ARHGEF7: variants seen among roughly 807,000 people sequenced by gnomAD.
ARHGEF7 encodes the protein Rho guanine nucleotide exchange factor 7, also known as PAK-interacting exchange factor beta.
ARHGEF7 carries 33 observed loss-of-function variants against 109.8 expected under a neutral mutation model. That is an observed-to-expected ratio of 0.30 (90% CI 0.23 to 0.40). The LOEUF (loss-of-function observed/expected upper bound fraction) is 0.40, where lower values mean the gene tolerates loss of function less well. Ranked by LOEUF, ARHGEF7 falls within the 10% of genes least tolerant of loss-of-function variation. The pLI is 1.00. For missense variants in ARHGEF7, 938 were observed against 1,098.5 expected (o/e 0.85, Z 2.07); for synonymous variants, 458 against 424.6 (o/e 1.08, Z -0.97).
intron 2 of ARHGEF7, among the ~76,000 whole-genome samples, chr13:111,159,357 C>T (rs1464517413): frequency 9.9e-5 from 15 of 152,188 alleles, no homozygotes; most frequent in South Asian, 6.2e-4. Context: ...GGAGTGCAGA[C>T]ATCTCTTCAA....
At chr13:111,121,439 C>T (rs780067537) in intron 1 of ARHGEF7, among the ~76,000 whole-genome samples, 2 of 152,220 alleles carry the variant, frequency 1.3e-5, no homozygotes, top group African/African-American at 4.8e-5. Context: ...TATGTACACA[C>T]GAACATCTCT....
At chr13:111,249,672 T>A (rs1405259696) in intron 8 of ARHGEF7, among the ~76,000 whole-genome samples, 2 of 152,158 alleles carry the variant, frequency 1.3e-5, no homozygotes, top group Non-Finnish European at 2.9e-5. Context: ...CAGGGTGAGA[T>A]ACAATAGAAC....
intron 4 of ARHGEF7, among the ~76,000 whole-genome samples, chr13:111,212,974 A>G (rs2082678167): frequency 3.3e-5 from 5 of 152,242 alleles, no homozygotes; most frequent in Admixed American, 3.3e-4. Context: ...CACAGCACTC[A>G]GAAATAGTAA....
At chr13:111,202,880 C>G (rs986819353) in intron 2 of ARHGEF7, among the ~76,000 whole-genome samples, 1 of 152,236 alleles carries the variant, frequency 6.6e-6, no homozygotes, top group African/African-American at 2.4e-5. Context: ...TTTTCCCCCT[C>G]TCAGGGGTAA....
At chr13:111,187,333 G>T (rs1431786156) in intron 2 of ARHGEF7, among the ~76,000 whole-genome samples, 1 of 152,198 alleles carries the variant, frequency 6.6e-6, no homozygotes, top group Non-Finnish European at 1.5e-5. Flanking sequence ...TGACCTGGTG[G>T]TGTGGGCCTG....
chr13:111,125,616 T>A (rs1594828968), intron 1 of ARHGEF7, among the ~76,000 whole-genome samples: 1 of 152,256 alleles, frequency 6.6e-6, no homozygotes, highest in South Asian at 2.1e-4. Context: ...GCCTTTAAAG[T>A]GGCCTGGTTT....
chr13:111,180,290 C>G (rs1310935840), intron 2 of ARHGEF7, among the ~76,000 whole-genome samples: 1 of 152,164 alleles, frequency 6.6e-6, no homozygotes, highest in African/African-American at 2.4e-5. Flanking sequence ...CCCTTACGAG[C>G]TTTTCATTAC....
At chr13:111,170,792 T>C (rs2077532166) in intron 2 of ARHGEF7, among the ~76,000 whole-genome samples, 1 of 152,200 alleles carries the variant, frequency 6.6e-6, no homozygotes, top group African/African-American at 2.4e-5. Flanking sequence ...CTGCTGTGTG[T>C]TTGAGGTAAA....
intron 9 of ARHGEF7, among the ~76,000 whole-genome samples, chr13:111,268,439 A>G (rs2091860038): frequency 1.3e-5 from 2 of 152,256 alleles, no homozygotes; most frequent in African/African-American, 4.8e-5. Context: ...CACATTTTCA[A>G]AACCATAAAT....
chr13:111,211,442 AATTTTAAGTAAAAT>A (rs2082482703), intron 4 of ARHGEF7, among the ~76,000 whole-genome samples: 1 of 152,184 alleles, frequency 6.6e-6, no homozygotes, highest in Admixed American at 6.5e-5. Context: ...ACAAATGTAT[AATTTTAAGTAAAAT>A]AAAGTTAAAT....
chr13:111,235,456 C>T (rs1243355099), intron 6 of ARHGEF7, among the ~76,000 whole-genome samples: 2 of 152,280 alleles, frequency 1.3e-5, no homozygotes, highest in African/African-American at 4.8e-5. Flanking sequence ...TCAAATCAGC[C>T]AACTCTTTCA....
At position 111,266,397 on chromosome 13, in the gene ARHGEF7, C is replaced by T. The variant is rs533402192; in HGVS notation, c.951-1151C>T. On this transcript the variant is annotated intron_variant, in intron 8 of 21. Coordinates refer to ENST00000646102, the MANE Select transcript of ARHGEF7 (RefSeq NM_001354046.2). This position sits in a 1 kb window ranked among gnomAD's most constrained non-coding sequence, Gnocchi z 4.8. ...CTGTGTCGACGCTCGTGGACACCTTCGCTCTTGTGCCTTGCACTCTTTCTG... is the reference window on the plus strand; with the variant it reads ...CTGTGTCGACGCTCGTGGACACCTTTGCTCTTGTGCCTTGCACTCTTTCTG... Among the ~76,000 whole-genome samples the T allele has an allele frequency of 2.6e-5, 4 of 152,026 alleles. No individual in the cohort carries two copies. Among genetic ancestry groups the T allele is most frequent in the Non-Finnish European group, 4.4e-5 (3 of 68,008 alleles).
Position 111,292,209 on chromosome 13 carries a change from T to C in ARHGEF7, c.2226T>C (p.Ser742=), listed in dbSNP as rs1389156968. Residue 742 remains serine, a synonymous_variant, in exon 19 of 22, where the codon TCT becomes TCC. Transcript: ENST00000646102. ...LDSLGRRSSL[S]RLEPSDLSED... ...CCCTGGGGCGTCGCAGTAGCCTTTCTCGTTTGGAGCCTTCAGACCTCTCGG... is the reference window on the plus strand; with the variant it reads ...CCCTGGGGCGTCGCAGTAGCCTTTCCCGTTTGGAGCCTTCAGACCTCTCGG... 6.8e-6 allele frequency: 11 copies of C among 1,614,202 alleles called. No homozygotes were observed. Among genetic ancestry groups the C allele is most frequent in the Non-Finnish European group, 8.5e-6 (10 of 1,180,048 alleles).
At chr13:111,251,866 T>C (rs757834778) in intron 8 of ARHGEF7, among the ~76,000 whole-genome samples, 2 of 152,260 alleles carry the variant, frequency 1.3e-5, no homozygotes, top group Non-Finnish European at 2.9e-5. Flanking sequence ...CACTCATGCA[T>C]GCATGCATTC....
Position 111,257,154 on chromosome 13 carries a change from A to G in ARHGEF7, c.951-10394A>G, listed in dbSNP as rs181666424. On this transcript the variant is annotated intron_variant, in intron 8 of 21. Transcript: ENST00000646102. ...TGAAAGTGGGATTTTCCCCCCACCC[A>G]GCTCTCCTTACTATTCCCTTTGTTT... is the stretch of plus-strand genomic sequence containing the variant. 2.3e-3 allele frequency among the ~76,000 whole-genome samples: 353 copies of G among 152,324 alleles called. 1 individual carries two copies. Among genetic ancestry groups the G allele is most frequent in the African/African-American group, 7.9e-3 (330 of 41,576 alleles).
intron 1 of ARHGEF7, among the ~76,000 whole-genome samples, chr13:111,127,911 A>G (rs2067686148): frequency 6.6e-6 from 1 of 152,230 alleles, no homozygotes; most frequent in Admixed American, 6.5e-5. Flanking sequence ...ATAAAAATCA[A>G]TCAATACAAT....
intron 1 of ARHGEF7, 135 bp from the exon 2 acceptor site, chr13:111,153,770 C>CGCTCCA: frequency 7.4e-7 from 1 of 1,359,316 alleles, no homozygotes; most frequent in South Asian, 1.8e-5. Context: ...GCAGCGGGCT[C>CGCTCCA]GCTCCAGGCC....
At chr13:111,180,533 C>T (rs1242861864) in intron 2 of ARHGEF7, among the ~76,000 whole-genome samples, 1 of 152,242 alleles carries the variant, frequency 6.6e-6, no homozygotes, top group South Asian at 2.1e-4. Context: ...TCCAGAGGAG[C>T]TTCTCAGTAC....
intron 8 of ARHGEF7, among the ~76,000 whole-genome samples, chr13:111,249,518 C>T (rs2089437750): frequency 6.6e-6 from 1 of 151,972 alleles, no homozygotes; most frequent in Non-Finnish European, 1.5e-5. Context: ...CGATTGGCCT[C>T]AGTAAGCCTG....
Sources: allele counts gnomAD v4.1 joint callset (sites outside exome capture counted in the v4.1 genomes callset), GRCh38; gene constraint gnomAD v4.1.1; non-coding constraint Gnocchi (gnomAD v3.1); transcripts MANE v1.5; gene names NCBI Gene and HGNC (gene_info 2026-07-23, HGNC 2026-07-21).